The following OSBPL1A variants were observed in gnomAD, a reference collection of about 807,000 sequenced individuals.
OSBPL1A encodes the protein oxysterol-binding protein-related protein 1.
A neutral mutation model predicts 137.1 loss-of-function variants in OSBPL1A; 80 were observed. The ratio of observed to expected loss-of-function variants is 0.58; its 90% confidence interval spans 0.49 to 0.70. The LOEUF is 0.70. OSBPL1A is among the 30% of genes least tolerant of loss of function. The pLI is 0.00. For synonymous variants in OSBPL1A, 365 were observed against 389.7 expected (o/e 0.94, Z 0.75); for missense variants, 970 against 1,129.4 (o/e 0.86, Z 2.02).
chr18:24,342,491 T>C lies in OSBPL1A; in HGVS notation c.283-833A>G, dbSNP rs144325855. The stretch of plus-strand genomic sequence containing the variant: ...ACTAAGGGAGGCTGAAAAACTGTGC[T>C]GTTCTAACTTCTAGACTGACAGTGC... On this transcript the variant is annotated intron_variant, in intron 4 of 27. Coordinates refer to ENST00000319481, the MANE Select transcript of OSBPL1A (RefSeq NM_080597.4). 4.1e-3 allele frequency among the ~76,000 whole-genome samples: 631 copies of C among 152,342 alleles called. 4 individuals are homozygous for C. The highest frequency in any genetic ancestry group is 0.014 in the African/African-American group (584 of 41,584).
At chr18:24,227,237 T>C (rs2088113196) in intron 16 of OSBPL1A, among the ~76,000 whole-genome samples, 1 of 152,114 alleles carries the variant, frequency 6.6e-6, no homozygotes, top group Non-Finnish European at 1.5e-5. Flanking sequence ...CATTTATTTT[T>C]CTTTGTCAAT....
intron 26 of OSBPL1A, among the ~76,000 whole-genome samples, chr18:24,165,992 G>A (rs1357076586): frequency 6.6e-6 from 1 of 152,156 alleles, no homozygotes; most frequent in Non-Finnish European, 1.5e-5. Flanking sequence ...AGTTACTCAG[G>A]AGACTGAGGC....
rs185815981 is a variant in OSBPL1A at position 24,389,762 on chromosome 18, G to A, written c.-3+7893C>T. The stretch of plus-strand genomic sequence containing the variant: ...TTGAGACCACCCTGGCCAACATAGC[G>A]AAACCCCATCTTTACTAAAAAATAC... On this transcript the variant is annotated intron_variant, in intron 1 of 27. Transcript: ENST00000319481. Among the ~76,000 whole-genome samples, 434 of 152,050 alleles carry A rather than the reference G, an allele frequency of 2.9e-3. 3 individuals carry two copies. The highest frequency in any genetic ancestry group is 4.0e-3 in the Non-Finnish European group (275 of 67,990).
chr18:24,184,717 C>T (rs1434168118), intron 18 of OSBPL1A, among the ~76,000 whole-genome samples: 2 of 152,134 alleles, frequency 1.3e-5, no homozygotes, highest in East Asian at 1.9e-4. Flanking sequence ...CATCTACATG[C>T]CCCCATCACC....
chr18:24,246,015 G>A (rs2088870504), intron 15 of OSBPL1A, among the ~76,000 whole-genome samples: 2 of 151,990 alleles, frequency 1.3e-5, no homozygotes, highest in African/African-American at 4.8e-5. Context: ...TTCAAGACCA[G>A]CCTGACCAAC....
intron 7 of OSBPL1A, among the ~76,000 whole-genome samples, chr18:24,320,284 G>C (rs1013197243): frequency 1.3e-5 from 2 of 152,130 alleles, no homozygotes; most frequent in Non-Finnish European, 2.9e-5. Flanking sequence ...AAGCATAGAA[G>C]GTGGGAAAGA....
chr18:24,317,300 GA>G (rs1568023059), intron 10 of OSBPL1A, 26 bp downstream of exon 10: 1 of 1,607,802 alleles, frequency 6.2e-7, no homozygotes, highest in Admixed American at 1.7e-5. Flanking sequence ...AGTGAAATTT[GA>G]TAAGTGTAAA....
intron 26 of OSBPL1A, among the ~76,000 whole-genome samples, chr18:24,166,006 A>G (rs1175001297): frequency 6.6e-6 from 1 of 152,216 alleles, no homozygotes; most frequent in South Asian, 2.1e-4. Context: ...CTGAGGCACA[A>G]GAATAGCTCG....
At chr18:24,277,924 T>C (rs1371501285) in intron 15 of OSBPL1A, among the ~76,000 whole-genome samples, 1 of 152,206 alleles carries the variant, frequency 6.6e-6, no homozygotes, top group Non-Finnish European at 1.5e-5. Context: ...TTCCAAAAGT[T>C]TGAAACATTA....
intron 1 of OSBPL1A, among the ~76,000 whole-genome samples, chr18:24,379,013 C>T (rs1001925087): frequency 6.6e-6 from 1 of 151,448 alleles, no homozygotes; most frequent in African/African-American, 2.4e-5. Flanking sequence ...AACAAGGTAT[C>T]AAAGAAAATG....
intron 1 of OSBPL1A, among the ~76,000 whole-genome samples, chr18:24,391,574 A>T (rs2144286006): frequency 6.6e-6 from 1 of 151,240 alleles, no homozygotes; most frequent in East Asian, 2.0e-4. Context: ...AAAAAAAAAA[A>T]AATTAATTAC....
At chr18:24,394,320 AT>A (rs1568074333) in intron 1 of OSBPL1A, among the ~76,000 whole-genome samples, 1 of 152,226 alleles carries the variant, frequency 6.6e-6, no homozygotes, top group East Asian at 1.9e-4. Flanking sequence ...TCGGTTGGAA[AT>A]TTTAATGTTT....
intron 1 of OSBPL1A, among the ~76,000 whole-genome samples, chr18:24,385,560 A>G (rs1355981532): frequency 6.6e-6 from 1 of 152,120 alleles, no homozygotes; most frequent in African/African-American, 2.4e-5. Flanking sequence ...AAGAGTGGAG[A>G]GGGGACACAG....
At chr18:24,253,828 T>C (rs1200675231) in intron 15 of OSBPL1A, among the ~76,000 whole-genome samples, 2 of 152,184 alleles carry the variant, frequency 1.3e-5, no homozygotes, top group East Asian at 3.8e-4. Context: ...ATGCTGATGT[T>C]ATCCCCAGGA....
At chr18:24,188,131 A>T (rs1218131429) in intron 18 of OSBPL1A, among the ~76,000 whole-genome samples, 2 of 152,270 alleles carry the variant, frequency 1.3e-5, no homozygotes. Flanking sequence ...GAAGGAATAG[A>T]TGGACCAGGG....
intron 15 of OSBPL1A, among the ~76,000 whole-genome samples, chr18:24,248,824 A>T (rs2088983691): frequency 6.6e-6 from 1 of 152,278 alleles, no homozygotes; most frequent in South Asian, 2.1e-4. Context: ...ATATAAACCC[A>T]GAATATTTGA....
At chr18:24,300,591 T>C (rs1189564220) in intron 14 of OSBPL1A, among the ~76,000 whole-genome samples, 1 of 152,058 alleles carries the variant, frequency 6.6e-6, no homozygotes, top group African/African-American at 2.4e-5. Context: ...GCTGCTGCAG[T>C]GATCTGGATT....
chr18:24,311,896 CA>C (rs901381412), intron 13 of OSBPL1A, 87 bp downstream of exon 13: 1 of 1,458,330 alleles, frequency 6.9e-7, no homozygotes, highest in African/African-American at 1.4e-5. Context: ...ATCATAATTT[CA>C]AAACCTTACA....
chr18:24,230,647 C>T (rs1179744321), intron 16 of OSBPL1A, among the ~76,000 whole-genome samples: 1 of 152,164 alleles, frequency 6.6e-6, no homozygotes, highest in Admixed American at 6.5e-5. Flanking sequence ...AGACTTCAGA[C>T]AATGGCAGCC....
Sources: gnomAD v4.1 joint callset for allele counts (sites outside exome capture counted in the v4.1 genomes callset) on GRCh38, gnomAD v4.1.1 for gene constraint, MANE v1.5 for transcripts, NCBI Gene and HGNC (gene_info 2026-07-23, HGNC 2026-07-21) for gene names.